The following RAPGEF1 variants were observed in gnomAD, a reference collection of about 807,000 sequenced individuals.
RAPGEF1 encodes the protein CRK SH3-binding GNRP.
Under a neutral mutation model 143.3 loss-of-function variants are expected in RAPGEF1, and 33 were observed. That is an observed-to-expected ratio of 0.23 (90% CI 0.17 to 0.31). The LOEUF (loss-of-function observed/expected upper bound fraction) is 0.31, where lower values mean the gene tolerates loss of function less well. Ranked by LOEUF, RAPGEF1 falls within the 10% of genes least tolerant of loss-of-function variation. RAPGEF1 has a pLI of 1.00. For missense variants in RAPGEF1, 1,199 were observed against 1,645.4 expected, an observed-to-expected ratio of 0.73 and a Z score of 4.69; for synonymous variants, 629 against 676.5, an observed-to-expected ratio of 0.93 and a Z score of 1.09.
rs769024353 is a variant in RAPGEF1 at position 131,602,114 on chromosome 9, A to T, written c.2448T>A (p.Asp816Glu). 2.2e-5 allele frequency: 36 copies of T among 1,601,774 alleles called. No individual in the cohort carries two copies. In the South Asian group the frequency reaches 4.0e-4, roughly 18 times the overall value. ...PPAGKDGHPR[D>E]PSAVSGVPGK... is the part of the protein sequence containing the mutation. Reference sequence around the variant, plus strand: ...CAGGGACGCCGCTGACCGCTGAGGGATCTCTGGGATGTCCGTCTTTCCCAG... The same window carrying T: ...CAGGGACGCCGCTGACCGCTGAGGGTTCTCTGGGATGTCCGTCTTTCCCAG... The change falls in exon 15 of 27, where the codon GAT (aspartate) becomes GAA (glutamate). Residue 816 changes from aspartate (D) to glutamate (E), a missense_variant. Physicochemically the swap from Asp to Glu is conservative, Grantham distance 45. Coordinates refer to ENST00000683357, the MANE Select transcript of RAPGEF1 (RefSeq NM_001377935.1).
chr9:131,587,093 G>A (rs572574440), intron 22 of RAPGEF1, among the ~76,000 whole-genome samples: 2 of 108,954 alleles, frequency 1.8e-5, no homozygotes, highest in South Asian at 6.8e-4. Flanking sequence ...CCTGCAGAGC[G>A]AGACTCCGTC....
intron 1 of RAPGEF1, among the ~76,000 whole-genome samples, chr9:131,657,476 A>T (rs1405311707): frequency 1.3e-5 from 2 of 152,250 alleles, no homozygotes; most frequent in Non-Finnish European, 2.9e-5. Flanking sequence ...AAAACAAAAA[A>T]TTTAAAGATT....
chr9:131,695,018 C>T (rs1034495778), intron 1 of RAPGEF1, among the ~76,000 whole-genome samples: 16 of 143,512 alleles, frequency 1.1e-4, no homozygotes, highest in South Asian at 4.6e-4. Flanking sequence ...TCATTGTTCA[C>T]GCACTTTCTT....
chr9:131,600,065 G>A (rs556561435), intron 15 of RAPGEF1, among the ~76,000 whole-genome samples: 117 of 152,030 alleles, frequency 7.7e-4, no homozygotes, highest in Non-Finnish European at 1.3e-3. Flanking sequence ...GCAGTGAGCC[G>A]AGATCGCACC....
Position 131,650,873 on chromosome 9 carries a change from C to T in RAPGEF1, c.138G>A (p.Thr46=), listed in dbSNP as rs1188698225. ...DKFHSPKIKR[T]PSKKGKPAEV... ...CAGCTGGTTTTCCCTTCTTTGATGG[C>T]GTTCTCTTGATTTTGGGTGAGTGGA... is the stretch of plus-strand genomic sequence containing the variant. Residue 46 remains threonine, a synonymous_variant, in exon 2 of 27, where the codon ACG becomes ACA. Transcript: ENST00000683357. This position sits in a 1 kb window ranked among gnomAD's most constrained non-coding sequence, Gnocchi z 4.7. The T allele has an allele frequency of 5.0e-6, 8 of 1,613,844 alleles. No individual in the cohort carries two copies. The highest frequency in any genetic ancestry group is 1.6e-4 in the Middle Eastern group (1 of 6,084).
chr9:131,634,757 A>G (rs1483392199), intron 5 of RAPGEF1, among the ~76,000 whole-genome samples: 1 of 150,604 alleles, frequency 6.6e-6, no homozygotes, highest in African/African-American at 2.4e-5. Flanking sequence ...ATCACAGAGA[A>G]GGAAGGGCTT....
chr9:131,605,562 A>G (rs1956989716), intron 12 of RAPGEF1, among the ~76,000 whole-genome samples: 1 of 152,190 alleles, frequency 6.6e-6, no homozygotes, highest in African/African-American at 2.4e-5. Context: ...GTAATTACTC[A>G]TTTTGAATTT....
At chr9:131,660,485 G>A (rs1049397192) in intron 1 of RAPGEF1, among the ~76,000 whole-genome samples, 46 of 149,528 alleles carry the variant, frequency 3.1e-4, no homozygotes, top group African/African-American at 1.1e-3. Context: ...ATTTTCCCAT[G>A]TGAGTGCAGT....
intron 12 of RAPGEF1, among the ~76,000 whole-genome samples, chr9:131,612,196 T>C (rs1958122092): frequency 6.6e-6 from 1 of 152,198 alleles, no homozygotes; most frequent in Non-Finnish European, 1.5e-5. Flanking sequence ...TTTGTGTCTA[T>C]TTCCTATAAC....
intron 1 of RAPGEF1, among the ~76,000 whole-genome samples, chr9:131,680,408 T>C (rs1055735085): frequency 5.9e-5 from 9 of 152,162 alleles, no homozygotes; most frequent in Non-Finnish European, 5.9e-5. Context: ...TGGCCATAAA[T>C]TGGCCCCAAA....
At position 131,650,668 on chromosome 9, in the gene RAPGEF1, A is replaced by AC. The variant is rs1257776740; in HGVS notation, c.201+141dup. 1.0e-5 allele frequency: 13 copies of AC among 1,281,270 alleles called. No homozygotes were observed. The highest frequency in any genetic ancestry group is 1.3e-5 in the Non-Finnish European group (12 of 924,434). The allele number at this position is 1,281,270 out of a possible 1,614,324, so 79.4% of individuals were successfully genotyped here. ...CTAATGGTTCTTATTTTACAAGGAC[A>AC]CCAAAGGTCCCGCCCATGGAATGCT... On this transcript the variant is annotated intron_variant, in intron 2 of 26. Transcript: ENST00000683357. The surrounding 1 kb of genome is among the most constrained non-coding windows in gnomAD (Gnocchi z 4.7).
chr9:131,598,105 T>C, intron 16 of RAPGEF1, 94 bp downstream of exon 16: 1 of 1,092,608 alleles, frequency 9.2e-7, no homozygotes, highest in Non-Finnish European at 1.4e-6. Flanking sequence ...CCTCCTAGGG[T>C]TGTTCTGCTT....
chr9:131,646,747 A>C (rs764540849), intron 3 of RAPGEF1, among the ~76,000 whole-genome samples: 12 of 152,180 alleles, frequency 7.9e-5, no homozygotes, highest in Non-Finnish European at 1.8e-4. Flanking sequence ...AGTGAGGGGG[A>C]GGGCAAGTCA....
rs1421402209 is a variant in RAPGEF1 at position 131,604,911 on chromosome 9, T to C, written c.2319+20A>G. ...GTGTGTGTGTGTGTGTGTGTGTGTG[T>C]GTGCACGCTGAGTTCTCACCGAGTC... On this transcript the variant is annotated intron_variant, in intron 13 of 26. Transcript: ENST00000683357. 10 of 1,289,172 alleles carry C rather than the reference T, an allele frequency of 7.8e-6. No homozygotes were observed. The highest frequency in any genetic ancestry group is 4.6e-5 in the Admixed American group (2 of 43,250). 79.9% of individuals were successfully genotyped at this position (1,289,172 alleles called of 1,614,324 possible).
At chr9:131,696,356 T>G (rs1201354296) in intron 1 of RAPGEF1, among the ~76,000 whole-genome samples, 1 of 152,126 alleles carries the variant, frequency 6.6e-6, no homozygotes, top group Non-Finnish European at 1.5e-5. Context: ...ACAAAAGGTT[T>G]TTACATCTTA....
At chr9:131,662,946 G>A (rs1042171724) in intron 1 of RAPGEF1, among the ~76,000 whole-genome samples, 2 of 152,064 alleles carry the variant, frequency 1.3e-5, no homozygotes, top group Non-Finnish European at 2.9e-5. Flanking sequence ...TGAGATCACA[G>A]GTGTGAGCCT....
At chr9:131,674,589 G>A (rs1831970578) in intron 1 of RAPGEF1, among the ~76,000 whole-genome samples, 1 of 152,208 alleles carries the variant, frequency 6.6e-6, no homozygotes, top group Non-Finnish European at 1.5e-5. Context: ...GTTTTGGGCG[G>A]CTAGGGCTGG....
chr9:131,609,701 T>A (rs1957714696), intron 12 of RAPGEF1, among the ~76,000 whole-genome samples: 2 of 152,208 alleles, frequency 1.3e-5, no homozygotes. Context: ...TGACCTCATA[T>A]GCGAGCGTGT....
At chr9:131,736,647 G>T (rs1296657719) in intron 1 of RAPGEF1, among the ~76,000 whole-genome samples, 1 of 152,202 alleles carries the variant, frequency 6.6e-6, no homozygotes, top group Non-Finnish European at 1.5e-5. Context: ...GCAAGGGGGC[G>T]GGATGAGGAA....
Sources: gnomAD v4.1 joint callset for allele counts (sites outside exome capture counted in the v4.1 genomes callset) on GRCh38, gnomAD v4.1.1 for gene constraint, Gnocchi (gnomAD v3.1) non-coding constraint, MANE v1.5 for transcripts, NCBI Gene and HGNC (gene_info 2026-07-23, HGNC 2026-07-21) for gene names.